The following MAMDC2 variants were observed in gnomAD, a reference collection of about 807,000 sequenced individuals.
MAMDC2 encodes MAM domain-containing protein 2.
A neutral mutation model predicts 89.8 loss-of-function variants in MAMDC2; 57 were observed. The ratio of observed to expected loss-of-function variants is 0.63; its 90% CI spans 0.51 to 0.79. The LOEUF (loss-of-function observed/expected upper bound fraction) is 0.79. MAMDC2 is among the 30% of genes least tolerant of loss of function. The probability of loss-of-function intolerance (pLI) is 0.00; values close to 1 mark genes in which losing one functional copy is unlikely to be tolerated. For synonymous variants in MAMDC2, 313 were observed against 293.4 expected (o/e 1.07, Z -0.68); for missense variants, 800 against 820.6 (o/e 0.97, Z 0.31).
intron 2 of MAMDC2, among the ~76,000 whole-genome samples, chr9:70,085,387 CT>C (rs1204158207): frequency 2.0e-5 from 3 of 152,004 alleles, no homozygotes; most frequent in Admixed American, 6.6e-5. Context: ...AGATTAGATT[CT>C]TTACTTCTTA....
intron 2 of MAMDC2, among the ~76,000 whole-genome samples, chr9:70,060,364 A>G (rs1256991018): frequency 6.6e-6 from 1 of 152,228 alleles, no homozygotes; most frequent in African/African-American, 2.4e-5. Flanking sequence ...TTAAATAAAA[A>G]GAAATAACAG....
chr9:70,184,553 C>T (rs1239633635), intron 11 of MAMDC2, among the ~76,000 whole-genome samples: 1 of 152,040 alleles, frequency 6.6e-6, no homozygotes, highest in African/African-American at 2.4e-5. Context: ...CACATAGTCC[C>T]ATATTTCTTG....
intron 11 of MAMDC2, among the ~76,000 whole-genome samples, chr9:70,192,223 T>A (rs2032894950): frequency 6.6e-6 from 1 of 151,992 alleles, no homozygotes; most frequent in Non-Finnish European, 1.5e-5. Context: ...GTGTTTTCTT[T>A]AAAAAAAATG....
chr9:70,121,177 G>A (rs1328642421), intron 5 of MAMDC2, among the ~76,000 whole-genome samples: 1 of 152,182 alleles, frequency 6.6e-6, no homozygotes, highest in Non-Finnish European at 1.5e-5. Flanking sequence ...TTCAGGAACC[G>A]CCTTTAAAGT....
intron 11 of MAMDC2, among the ~76,000 whole-genome samples, chr9:70,178,251 G>T (rs116843390): frequency 6.6e-6 from 1 of 152,310 alleles, no homozygotes; most frequent in East Asian, 1.9e-4. Context: ...GGGCTGCAAA[G>T]TCTAAGATCA....
chr9:70,161,940 C>G (rs891879920), intron 9 of MAMDC2, among the ~76,000 whole-genome samples: 1 of 152,110 alleles, frequency 6.6e-6, no homozygotes, highest in Non-Finnish European at 1.5e-5. Context: ...AAAATCAAAC[C>G]GTCTGGGAAA....
chr9:70,055,165 G>A (rs114673974), intron 2 of MAMDC2, among the ~76,000 whole-genome samples: 2,680 of 152,222 alleles, frequency 0.018, 86 homozygotes, highest in African/African-American at 0.06. Context: ...AAGTAGTTCC[G>A]AGTGAGAAGT....
chr9:70,199,052 T>G (rs1050132353), intron 11 of MAMDC2, among the ~76,000 whole-genome samples: 1 of 632 alleles, frequency 1.6e-3, no homozygotes, highest in Admixed American at 0.062. Flanking sequence ...TATTTTTTTT[T>G]TCGTTTGTTT....
chr9:70,111,880 C>T (rs982618102), intron 4 of MAMDC2, among the ~76,000 whole-genome samples: 3 of 152,194 alleles, frequency 2.0e-5, no homozygotes, highest in African/African-American at 7.2e-5. Flanking sequence ...GAGCTGTTAT[C>T]TTCTTTTGGT....
intron 2 of MAMDC2, among the ~76,000 whole-genome samples, chr9:70,096,555 C>G (rs889687816): frequency 3.9e-5 from 6 of 152,176 alleles, no homozygotes. Flanking sequence ...AACTTAGTCA[C>G]TGGCTATCCC....
chr9:70,065,423 G>C (rs1229749515), intron 2 of MAMDC2, among the ~76,000 whole-genome samples: 1 of 151,978 alleles, frequency 6.6e-6, no homozygotes, highest in African/African-American at 2.4e-5. Flanking sequence ...GTTTAAAATA[G>C]TATTTTAGTC....
intron 11 of MAMDC2, among the ~76,000 whole-genome samples, chr9:70,189,844 T>C (rs565291834): frequency 6.6e-6 from 1 of 152,170 alleles, no homozygotes; most frequent in African/African-American, 2.4e-5. Flanking sequence ...GTTTAGTGAT[T>C]CTTTCTTCTG....
chr9:70,221,834 T>C (rs1472779894), intron 12 of MAMDC2, among the ~76,000 whole-genome samples: 1 of 152,002 alleles, frequency 6.6e-6, no homozygotes, highest in East Asian at 1.9e-4. Flanking sequence ...AGAAGTCAAG[T>C]TGATCAAGTG....
chr9:70,217,558 T>A, intron 11 of MAMDC2: 2 of 1,593,152 alleles, frequency 1.3e-6, no homozygotes, highest in South Asian at 1.1e-5. Context: ...TAAGCAAGCA[T>A]CTAAAAAGAC....
At chr9:70,160,050 A>G (rs1378119279) in intron 9 of MAMDC2, among the ~76,000 whole-genome samples, 1 of 152,124 alleles carries the variant, frequency 6.6e-6, no homozygotes, top group Non-Finnish European at 1.5e-5. Flanking sequence ...TGTCTCTACT[A>G]AAAGTAAAAA....
chr9:70,143,363 T>C (rs74594748), intron 8 of MAMDC2, among the ~76,000 whole-genome samples, 191 bp from the exon 9 acceptor site: 10,480 of 152,292 alleles, frequency 0.069, 574 homozygotes, highest in East Asian at 0.22. Flanking sequence ...TAGAATTGAA[T>C]GAGGTATCAT....
intron 6 of MAMDC2, among the ~76,000 whole-genome samples, chr9:70,129,130 G>C (rs1222511239): frequency 6.6e-6 from 1 of 152,326 alleles, no homozygotes; most frequent in East Asian, 1.9e-4. Context: ...TGGTTTGGCT[G>C]TGTCCCCACC....
chr9:70,092,726 C>T (rs1473683215), intron 2 of MAMDC2: 1 of 152,084 alleles, frequency 6.6e-6, no homozygotes, highest in East Asian at 1.9e-4. Context: ...TTCTTCTTTG[C>T]TCTGCTAATA....
At chr9:70,182,001 T>C (rs1207292708) in intron 11 of MAMDC2, among the ~76,000 whole-genome samples, 1 of 152,242 alleles carries the variant, frequency 6.6e-6, no homozygotes, top group Non-Finnish European at 1.5e-5. Context: ...TTGTCATAAA[T>C]AGCTCTTATT....
Sources: gnomAD v4.1 joint callset for allele counts (sites outside exome capture counted in the v4.1 genomes callset) on GRCh38, gnomAD v4.1.1 for gene constraint, MANE v1.5 for transcripts, NCBI Gene and HGNC (gene_info 2026-07-23, HGNC 2026-07-21) for gene names.